Variants in CTNNA2 observed in about 807,000 individuals in gnomAD.
CTNNA2 encodes the protein catenin alpha 2.
CTNNA2 carries 42 observed loss-of-function variants against 101.0 expected under a neutral mutation model. The observed-to-expected ratio is 0.42, with a 90% CI of 0.32 to 0.54. The LOEUF is 0.54. Among genes scored for constraint, CTNNA2 ranks in the 20% least tolerant of loss-of-function variants. The pLI is 0.14. For synonymous variants in CTNNA2, 450 were observed against 456.4 expected (o/e 0.99, Z 0.18); for missense variants, 871 against 1,223.1 (o/e 0.71, Z 4.29).
intron 7 of CTNNA2, among the ~76,000 whole-genome samples, chr2:80,368,868 T>C (rs1023535572): frequency 4.1e-5 from 3 of 73,588 alleles, no homozygotes; most frequent in Non-Finnish European, 7.1e-5. Flanking sequence ...TGTGTGTGTG[T>C]ATATATATAT....
intron 16 of CTNNA2, among the ~76,000 whole-genome samples, chr2:80,606,979 A>C (rs1377622499): frequency 6.6e-6 from 1 of 151,926 alleles, no homozygotes; most frequent in Non-Finnish European, 1.5e-5. Flanking sequence ...AGCTAAAAAC[A>C]GTCTCTGTGG....
Position 79,367,500 on chromosome 2 carries a change from A to G in CTNNA2, c.-317-6331A>G, listed in dbSNP as rs150068575. On this transcript the variant is annotated intron_variant, in intron 3 of 21. Coordinates refer to the CTNNA2 transcript ENST00000466387. ...CAGTGGGACTGGAGCCAGGTAAGCA[A>G]TGGGTAGAGAAGTAGGAGATGATTT... Among the ~76,000 whole-genome samples the G allele has an allele frequency of 2.8e-4, 42 of 152,244 alleles. 1 individual carries two copies. Among genetic ancestry groups the G allele is most frequent in the Middle Eastern group, 3.4e-3 (1 of 294 alleles).
chr2:80,211,226 T>G (rs1470436296), intron 7 of CTNNA2, among the ~76,000 whole-genome samples: 3 of 152,224 alleles, frequency 2.0e-5, no homozygotes, highest in Non-Finnish European at 4.4e-5. Context: ...TTTAAATATA[T>G]CCCATTTGTC....
intron 9 of CTNNA2, among the ~76,000 whole-genome samples, chr2:80,425,619 A>AATC (rs1680921474): frequency 6.6e-6 from 1 of 152,180 alleles, no homozygotes; most frequent in African/African-American, 2.4e-5. Context: ...TGAAATAATC[A>AATC]ATCTATGAAT....
chr2:79,632,491 T>C (rs958407511), intron 1 of CTNNA2, among the ~76,000 whole-genome samples: 1 of 152,242 alleles, frequency 6.6e-6, no homozygotes. Flanking sequence ...GCGATGCTTC[T>C]AGATTGCCAT....
intron 7 of CTNNA2, among the ~76,000 whole-genome samples, chr2:80,362,965 A>G (rs1466507906): frequency 6.6e-6 from 1 of 150,544 alleles, no homozygotes; most frequent in African/African-American, 2.5e-5. Context: ...CCACTGCACC[A>G]TGGCATTCTA....
chr2:80,422,616 T>C (rs1247862610), intron 9 of CTNNA2, among the ~76,000 whole-genome samples: 1 of 152,178 alleles, frequency 6.6e-6, no homozygotes, highest in Non-Finnish European at 1.5e-5. Flanking sequence ...CTAGTTCTAG[T>C]ACCCATTTGC....
intron 2 of CTNNA2, among the ~76,000 whole-genome samples, chr2:79,230,323 C>T (rs956307851): frequency 1.3e-4 from 20 of 152,254 alleles, no homozygotes; most frequent in African/African-American, 4.3e-4. Context: ...ATCCTGCTTC[C>T]AAGCCACTCC....
chr2:79,863,130 T>C (rs140110642), intron 4 of CTNNA2, among the ~76,000 whole-genome samples: 1 of 143,644 alleles, frequency 7.0e-6, no homozygotes, highest in Non-Finnish European at 1.5e-5. Flanking sequence ...TCTTTCCTGG[T>C]AGCTCAAACA....
chr2:80,011,581 G>A (rs1286096964), intron 7 of CTNNA2, among the ~76,000 whole-genome samples: 2 of 117,592 alleles, frequency 1.7e-5, no homozygotes, highest in African/African-American at 5.2e-5. Context: ...AGGGAGATGA[G>A]TGTCCAGTGA....
At chr2:80,513,153 G>A (rs1339292302) in intron 9 of CTNNA2, among the ~76,000 whole-genome samples, 3 of 152,120 alleles carry the variant, frequency 2.0e-5, no homozygotes, top group Non-Finnish European at 4.4e-5. Context: ...GTTCTACATG[G>A]TCCACACCAG....
At chr2:80,329,875 C>T (rs1382615672) in intron 7 of CTNNA2, among the ~76,000 whole-genome samples, 1 of 152,174 alleles carries the variant, frequency 6.6e-6, no homozygotes, top group African/African-American at 2.4e-5. Context: ...CTCTGGAAAC[C>T]CAGGGAAACT....
chr2:80,380,378 T>C (rs1366774678), intron 7 of CTNNA2, among the ~76,000 whole-genome samples: 1 of 152,132 alleles, frequency 6.6e-6, no homozygotes, highest in Non-Finnish European at 1.5e-5. Context: ...TCTGAATTTC[T>C]AAGCAGACAG....
chr2:79,805,193 G>C (rs572896463), intron 3 of CTNNA2, among the ~76,000 whole-genome samples: 7 of 152,250 alleles, frequency 4.6e-5, no homozygotes, highest in African/African-American at 1.7e-4. Context: ...ACCAAGCAAA[G>C]GTTGAATATT....
chr2:79,664,705 C>CTTT (rs67782114), intron 2 of CTNNA2, among the ~76,000 whole-genome samples: 25 of 94,984 alleles, frequency 2.6e-4, no homozygotes, highest in African/African-American at 3.9e-4. Context: ...TCACATTCTT[C>CTTT]TTTTTTTTTT....
intron 2 of CTNNA2, among the ~76,000 whole-genome samples, chr2:79,243,235 G>A (rs190819515): frequency 6.6e-6 from 1 of 152,130 alleles, no homozygotes; most frequent in African/African-American, 2.4e-5. Flanking sequence ...AAGAGGAAGA[G>A]GTGTACATTA....
intron 7 of CTNNA2, among the ~76,000 whole-genome samples, chr2:80,001,327 C>T (rs1304342215): frequency 1.3e-5 from 2 of 152,058 alleles, no homozygotes; most frequent in East Asian, 1.9e-4. Flanking sequence ...TCTTCTCTTC[C>T]CCTTATATCA....
At chr2:79,496,707 A>C (rs1217860730) in intron 4 of CTNNA2, among the ~76,000 whole-genome samples, 1 of 151,768 alleles carries the variant, frequency 6.6e-6, no homozygotes, top group Non-Finnish European at 1.5e-5. Context: ...GTGTACATAT[A>C]TATAATTTTA....
At chr2:79,650,901 C>T (rs1681197925) in intron 1 of CTNNA2, among the ~76,000 whole-genome samples, 1 of 149,872 alleles carries the variant, frequency 6.7e-6, no homozygotes, top group African/African-American at 2.5e-5. Context: ...GTTTTTTGTT[C>T]TTGCAATAGT....
Sources: allele counts gnomAD v4.1 joint callset (sites outside exome capture counted in the v4.1 genomes callset), GRCh38; gene constraint gnomAD v4.1.1; transcripts MANE v1.5; gene names NCBI Gene and HGNC (gene_info 2026-07-23, HGNC 2026-07-21).